Variants in ZNF69 observed in about 807,000 individuals in gnomAD.
ZNF69 encodes zinc finger protein 69, also known as ZNF3.
Under a neutral mutation model 50.9 loss-of-function variants are expected in ZNF69, and 47 were observed. The observed-to-expected ratio is 0.92, with a 90% CI of 0.73 to 1.18. ZNF69 has a LOEUF of 1.18. Among genes scored for constraint, ZNF69 ranks in the 50% most tolerant of loss-of-function variants. ZNF69 has a pLI of 0.00. For synonymous variants in ZNF69, 216 were observed against 223.1 expected, an observed-to-expected ratio of 0.97 and a Z score of 0.29; for missense variants, 717 against 675.1, an observed-to-expected ratio of 1.06 and a Z score of -0.69.
rs758345565 is a variant in ZNF69, at chr19:11,904,705, C to A, written c.308C>A (p.Thr103Asn). The A allele has an allele frequency of 1.2e-6, 2 of 1,613,834 alleles. No homozygotes were observed. Among genetic ancestry groups the A allele is most frequent in the Non-Finnish European group, 1.7e-6 (2 of 1,179,822 alleles). Reference protein sequence around the residue: ...EIKDDSHCGETFTQVPDDRLN... With the variant: ...EIKDDSHCGENFTQVPDDRLN... ...AAAGATGACAGTCATTGTGGAGAAACTTTTACCCAGGTTCCAGATGACAGG... is the reference window on the plus strand; with the variant it reads ...AAAGATGACAGTCATTGTGGAGAAAATTTTACCCAGGTTCCAGATGACAGG... Residue 103 changes from threonine (T) to asparagine (N), a missense_variant, in exon 4 of 4, where the codon ACT becomes AAT. Physicochemically the swap from Thr to Asn is moderately conservative, Grantham distance 65 (BLOSUM62 0). Coordinates refer to ENST00000429654, the MANE Select transcript of ZNF69 (RefSeq NM_001364730.1).
chr19:11,918,966 G>A (rs958592448), downstream of ZNF69, among the ~76,000 whole-genome samples: 5 of 149,722 alleles, frequency 3.3e-5, no homozygotes, highest in Admixed American at 1.3e-4. Flanking sequence ...TGCGATCTCC[G>A]CTCACTGCAA....
At chr19:11,963,402 CT>C in the ZNF69 span, among the ~76,000 whole-genome samples, 1 of 152,176 alleles carries the variant, frequency 6.6e-6, no homozygotes, top group Non-Finnish European at 1.5e-5. Context: ...GCCTCCCAGG[CT>C]GTTGTTGAAA....
At chr19:11,937,490 C>CTTTTTTTTTTTT in the ZNF69 span, among the ~76,000 whole-genome samples, 1 of 129,012 alleles carries the variant, frequency 7.8e-6, no homozygotes, top group Non-Finnish European at 1.6e-5. Flanking sequence ...TTTTTCTTTC[C>CTTTTTTTTTTTT]TTTTTTTTTT....
chr19:11,898,726 G>A (rs935156878), intron 1 of ZNF69, among the ~76,000 whole-genome samples: 2 of 152,112 alleles, frequency 1.3e-5, no homozygotes, highest in East Asian at 3.8e-4. Context: ...CTGGCCAGGT[G>A]CTGAGCCTCA....
chr19:11,908,071 G>C (rs1431792635), downstream of ZNF69, among the ~76,000 whole-genome samples: 1 of 151,868 alleles, frequency 6.6e-6, no homozygotes, highest in African/African-American at 2.4e-5. Context: ...GATCAAAAGA[G>C]ACAAGGCCAT....
the ZNF69 span, among the ~76,000 whole-genome samples, chr19:11,965,368 G>A: frequency 1.3e-5 from 2 of 152,212 alleles, no homozygotes; most frequent in East Asian, 3.9e-4. Flanking sequence ...CTCGGCCGCT[G>A]GATGGGGCTG....
the ZNF69 span, chr19:11,979,113 T>G: frequency 6.2e-7 from 1 of 1,613,656 alleles, no homozygotes; most frequent in Non-Finnish European, 8.5e-7. Flanking sequence ...CTTATAAATG[T>G]TAGATATGTG....
chr19:11,944,014 C>T, the ZNF69 span, among the ~76,000 whole-genome samples: 8 of 152,180 alleles, frequency 5.3e-5, no homozygotes, highest in Admixed American at 2.0e-4. Flanking sequence ...TCTACCTTCA[C>T]GGTGGTGTGA....
chr19:11,955,219 G>A, the ZNF69 span, among the ~76,000 whole-genome samples: 2 of 151,466 alleles, frequency 1.3e-5, no homozygotes, highest in African/African-American at 2.4e-5. Flanking sequence ...TGGGTAAGCT[G>A]GTCTCAAATT....
At chr19:11,974,541 CAT>C in the ZNF69 span, among the ~76,000 whole-genome samples, 5 of 139,166 alleles carry the variant, frequency 3.6e-5, no homozygotes, top group Admixed American at 1.6e-4. Flanking sequence ...AGCATCCCGT[CAT>C]ATGTTTGTTT....
chr19:11,923,369 T>G, the ZNF69 span, among the ~76,000 whole-genome samples: 1 of 152,190 alleles, frequency 6.6e-6, no homozygotes, highest in Admixed American at 6.5e-5. Flanking sequence ...GGCTTAGTTA[T>G]GATAGCTACT....
chr19:11,895,604 T>G (rs1977206426), intron 1 of ZNF69, among the ~76,000 whole-genome samples: 1 of 152,134 alleles, frequency 6.6e-6, no homozygotes, highest in African/African-American at 2.4e-5. Flanking sequence ...TGCAGTCGTG[T>G]AAGAAATATA....
chr19:11,942,926 T>A, the ZNF69 span, among the ~76,000 whole-genome samples: 1 of 152,148 alleles, frequency 6.6e-6, no homozygotes, highest in African/African-American at 2.4e-5. Flanking sequence ...TTTGAGAATC[T>A]CACTTATTAA....
In ZNF69 at chr19:11,891,446, AAAGG is replaced by A. The variant is rs530974088; in HGVS notation, c.63+3476_63+3479del. 2.8e-4 allele frequency among the ~76,000 whole-genome samples: 43 copies of A among 151,488 alleles called. No homozygotes were observed. The Middle Eastern group carries it at 0.01, about 36-fold the overall frequency. On this transcript the variant is annotated intron_variant, in intron 1 of 3. Coordinates refer to ENST00000429654, the MANE Select transcript of ZNF69 (RefSeq NM_001364730.1). ...GAAGGAAGAAGGAAGGAAGGAAGAA[AAAGG>A]AAGGAAGGAAGGAAGAGAGTGATTC...
the ZNF69 span, among the ~76,000 whole-genome samples, chr19:11,963,463 A>G: frequency 6.6e-6 from 1 of 152,070 alleles, no homozygotes; most frequent in African/African-American, 2.4e-5. Flanking sequence ...CCTCACAGTG[A>G]TACTCTCATC....
chr19:11,896,194 T>C (rs1278647035), intron 1 of ZNF69, among the ~76,000 whole-genome samples: 1 of 139,154 alleles, frequency 7.2e-6, no homozygotes, highest in Non-Finnish European at 1.5e-5. Context: ...TCTCCAGCCT[T>C]GGCAACAAGG....
rs1055068476 is a variant in ZNF69, at chr19:11,897,883, A to C, written c.64-5690A>C. Among the ~76,000 whole-genome samples the C allele has an allele frequency of 4.6e-5, 7 of 151,656 alleles. 1 individual carries two copies. Among genetic ancestry groups the C allele is most frequent in the African/African-American group, 1.7e-4 (7 of 41,440 alleles). On this transcript the variant is annotated intron_variant, in intron 1 of 3. Transcript: ENST00000429654. Reference sequence around the variant, plus strand: ...TGAGACTCCATCTCAAAAAAAAAAAAAAAGAAAAGAAAAGAAAAAAGAAAA... The same window carrying C: ...TGAGACTCCATCTCAAAAAAAAAAACAAAGAAAAGAAAAGAAAAAAGAAAA...
At chr19:11,959,323 A>G in the ZNF69 span, among the ~76,000 whole-genome samples, 4 of 152,244 alleles carry the variant, frequency 2.6e-5, no homozygotes, top group South Asian at 8.3e-4. Context: ...CAAAATAATA[A>G]CAATATGAAT....
intron 1 of ZNF69, among the ~76,000 whole-genome samples, chr19:11,901,659 GT>G (rs1002279708): frequency 6.6e-6 from 1 of 151,212 alleles, no homozygotes; most frequent in Admixed American, 6.6e-5. Flanking sequence ...TAATTTTTGT[GT>G]TTTTTTAGAG....
Sources: allele counts gnomAD v4.1 joint callset (sites outside exome capture counted in the v4.1 genomes callset), GRCh38; gene constraint gnomAD v4.1.1; transcripts MANE v1.5; gene names NCBI Gene and HGNC (gene_info 2026-07-23, HGNC 2026-07-21).